MAN1A2: variants seen among roughly 807,000 people sequenced by gnomAD.
MAN1A2 encodes mannosidase alpha class 1A member 2.
Under a neutral mutation model 75.7 loss-of-function variants are expected in MAN1A2, and 26 were observed. The observed-to-expected ratio is 0.34, with a 90% CI of 0.25 to 0.48. The LOEUF is 0.48. MAN1A2 is among the 20% of genes least tolerant of loss of function. MAN1A2 has a pLI of 0.99. For synonymous variants in MAN1A2, 247 were observed against 264.6 expected (o/e 0.93, Z 0.65); for missense variants, 562 against 775.5 (o/e 0.72, Z 3.27).
intron 6 of MAN1A2, among the ~76,000 whole-genome samples, chr1:117,454,338 G>A (rs1230457102): frequency 1.3e-5 from 2 of 152,094 alleles, no homozygotes; most frequent in African/African-American, 2.4e-5. Flanking sequence ...GAAACATGAC[G>A]TCTGAAAATC....
At position 117,523,508 on chromosome 1, in the gene MAN1A2, A is replaced by G. The variant is rs142857252; in HGVS notation, c.*551A>G. 1.4e-3 allele frequency: 255 copies of G among 180,604 alleles called. 1 individual carries two copies. Among genetic ancestry groups the G allele is most frequent in the Non-Finnish European group, 2.7e-3 (225 of 84,386 alleles). 11.2% of individuals were successfully genotyped at this position (180,604 alleles called of 1,614,324 possible). A position where few individuals can be genotyped will look rare whatever the true frequency, so the allele number is the denominator to read the frequency against. On this transcript the variant is annotated 3_prime_UTR_variant, in exon 13 of 13. Coordinates refer to ENST00000356554, the MANE Select transcript of MAN1A2 (RefSeq NM_006699.5). ...ACTCAAAAAAGAAACAGGAGTACCTATCCCTATCTGAATTTTCAAGTTCCC... is the reference window on the plus strand; with the variant it reads ...ACTCAAAAAAGAAACAGGAGTACCTGTCCCTATCTGAATTTTCAAGTTCCC...
intron 8 of MAN1A2, among the ~76,000 whole-genome samples, chr1:117,486,674 T>A (rs909742887): frequency 1.3e-5 from 2 of 151,918 alleles, no homozygotes; most frequent in Non-Finnish European, 2.9e-5. Context: ...GTTCCTGGAA[T>A]ATACAGGGAG....
At chr1:117,368,933 C>T (rs775241286) in intron 1 of MAN1A2, among the ~76,000 whole-genome samples, 1 of 152,086 alleles carries the variant, frequency 6.6e-6, no homozygotes, top group Admixed American at 6.5e-5. Context: ...AGAGGGCTCT[C>T]GTTTTCTGGC....
intron 1 of MAN1A2, among the ~76,000 whole-genome samples, chr1:117,369,382 C>T (rs1652876698): frequency 6.6e-6 from 1 of 152,080 alleles, no homozygotes; most frequent in Admixed American, 6.5e-5. Flanking sequence ...TTAAACCTGC[C>T]ATCTTTTCCT....
chr1:117,526,130 T>C lies in MAN1A2; in HGVS notation c.*3173T>C, dbSNP rs1332003562. 1 of 151,896 alleles carries C rather than the reference T, an allele frequency of 6.6e-6. No homozygotes were observed. The highest frequency in any genetic ancestry group is 2.4e-5 in the African/African-American group (1 of 41,416). The allele number at this position is 151,896 out of a possible 1,614,324, so 9.4% of individuals were successfully genotyped here. A position where few individuals can be genotyped will look rare whatever the true frequency, so the allele number is the denominator to read the frequency against. On this transcript the variant is annotated 3_prime_UTR_variant, in exon 13 of 13. Coordinates refer to ENST00000356554, the MANE Select transcript of MAN1A2 (RefSeq NM_006699.5). ...CTCCAAATTTGTTGATAAAAGATTGTGTTTGCCATTCTCATTTATAATGCA... is the reference window on the plus strand; with the variant it reads ...CTCCAAATTTGTTGATAAAAGATTGCGTTTGCCATTCTCATTTATAATGCA...
At chr1:117,472,679 T>C (rs1650197646) in intron 8 of MAN1A2, among the ~76,000 whole-genome samples, 1 of 152,078 alleles carries the variant, frequency 6.6e-6, no homozygotes, top group Non-Finnish European at 1.5e-5. Flanking sequence ...CTTTTTATTA[T>C]TATTATTAGT....
chr1:117,379,682 T>G (rs1364011638), intron 1 of MAN1A2, among the ~76,000 whole-genome samples: 1 of 152,178 alleles, frequency 6.6e-6, no homozygotes, highest in African/African-American at 2.4e-5. Flanking sequence ...GTCTGCTGTT[T>G]CTATAGATTT....
intron 8 of MAN1A2, among the ~76,000 whole-genome samples, chr1:117,490,865 G>A (rs1358214138): frequency 1.3e-5 from 2 of 152,004 alleles, no homozygotes; most frequent in Middle Eastern, 3.2e-3. Flanking sequence ...AATGGTCTGG[G>A]TACCATTCAG....
At chr1:117,411,630 A>C (rs959555901) in intron 3 of MAN1A2, among the ~76,000 whole-genome samples, 5 of 151,824 alleles carry the variant, frequency 3.3e-5, no homozygotes, top group African/African-American at 1.2e-4. Context: ...TTGGAAAGAC[A>C]AACCAAAGAC....
rs970776561 is a variant in MAN1A2 at position 117,491,862 on chromosome 1, C to T, written c.1169-1285C>T. Among the ~76,000 whole-genome samples the T allele has an allele frequency of 3.3e-5, 5 of 151,996 alleles. No individual in the cohort carries two copies. In the East Asian group the frequency reaches 9.7e-4, roughly 30 times the overall value. ...GTTCAAACTCAAGTGGAGGAAGTAA[C>T]TGTAGATGTGGTGGAAATAGCAAGA... is the stretch of plus-strand genomic sequence containing the variant. On this transcript the variant is annotated intron_variant, in intron 8 of 12. Transcript: ENST00000356554.
chr1:117,470,248 A>G lies in MAN1A2; in HGVS notation c.1168+3821A>G, dbSNP rs142341150. 6.0e-3 allele frequency among the ~76,000 whole-genome samples: 907 copies of G among 152,232 alleles called. 5 individuals are homozygous for G. The highest frequency in any genetic ancestry group is 0.021 in the African/African-American group (857 of 41,572). Reference sequence around the variant, plus strand: ...ATATTGTATGATTCCACTTATATCAAATATCTAGAGTTGTCAAATCCATAG... The same window carrying G: ...ATATTGTATGATTCCACTTATATCAGATATCTAGAGTTGTCAAATCCATAG... On this transcript the variant is annotated intron_variant, in intron 8 of 12. Coordinates refer to ENST00000356554, the MANE Select transcript of MAN1A2 (RefSeq NM_006699.5).
At chr1:117,483,536 A>T (rs567204492) in intron 8 of MAN1A2, among the ~76,000 whole-genome samples, 17 of 151,896 alleles carry the variant, frequency 1.1e-4, no homozygotes, top group African/African-American at 3.9e-4. Context: ...TTTGGGTCTC[A>T]ATTTGTCTGT....
intron 5 of MAN1A2, among the ~76,000 whole-genome samples, chr1:117,421,405 T>G (rs926483713): frequency 2.0e-5 from 3 of 152,044 alleles, no homozygotes; most frequent in Non-Finnish European, 2.9e-5. Flanking sequence ...TTAATTTTTT[T>G]TTGTTGTTAA....
chr1:117,481,520 A>G (rs1650497270), intron 8 of MAN1A2, among the ~76,000 whole-genome samples: 1 of 151,876 alleles, frequency 6.6e-6, no homozygotes, highest in African/African-American at 2.4e-5. Context: ...GCTTAAAACA[A>G]TTTTTTATTT....
Position 117,410,075 on chromosome 1 carries a change from C to CAATAGAATACCTAATACAATAGAATACCT in MAN1A2, c.655+4437_655+4438insTACCTAATACAATAGAATACCTAATAGAA, listed in dbSNP as rs1291260616. 5.3e-5 allele frequency among the ~76,000 whole-genome samples: 8 copies of CAATAGAATACCTAATACAATAGAATACCT among 151,958 alleles called. No individual in the cohort carries two copies. In the East Asian group the frequency reaches 1.3e-3, roughly 26 times the overall value. On this transcript the variant is annotated intron_variant, in intron 3 of 12. Coordinates refer to ENST00000356554, the MANE Select transcript of MAN1A2 (RefSeq NM_006699.5). ...TCTAGATTACTTAGAATACCTAATA[C>CAATAGAATACCTAATACAATAGAATACCT]AATAGAAATAGTTGTTATACTGTGT...
intron 3 of MAN1A2, among the ~76,000 whole-genome samples, chr1:117,412,730 T>C (rs1647864835): frequency 6.6e-6 from 1 of 151,850 alleles, no homozygotes; most frequent in South Asian, 2.1e-4. Context: ...TTTCATTTTT[T>C]CCTGTTCAAA....
intron 5 of MAN1A2, among the ~76,000 whole-genome samples, chr1:117,424,297 A>G (rs1340433501): frequency 1.3e-5 from 2 of 152,118 alleles, no homozygotes; most frequent in African/African-American, 4.8e-5. Context: ...AAAGTTGAAT[A>G]GTAATGGGCA....
intron 12 of MAN1A2, among the ~76,000 whole-genome samples, chr1:117,518,844 A>G (rs186508359): frequency 6.6e-6 from 1 of 152,122 alleles, no homozygotes; most frequent in Non-Finnish European, 1.5e-5. Context: ...GACTTAACAG[A>G]TATATGCAGA....
At chr1:117,449,806 A>G (rs1268165635) in intron 6 of MAN1A2, among the ~76,000 whole-genome samples, 3 of 152,228 alleles carry the variant, frequency 2.0e-5, no homozygotes, top group Non-Finnish European at 4.4e-5. Flanking sequence ...CCCAGCTACA[A>G]CATTCTCTTA....
Sources: gnomAD v4.1 joint callset for allele counts (sites outside exome capture counted in the v4.1 genomes callset) on GRCh38, gnomAD v4.1.1 for gene constraint, MANE v1.5 for transcripts, NCBI Gene and HGNC (gene_info 2026-07-23, HGNC 2026-07-21) for gene names.